Variants in TMEM30A observed in about 807,000 individuals in gnomAD.
TMEM30A encodes cell cycle control protein 50A.
TMEM30A carries 24 observed loss-of-function variants against 38.2 expected under a neutral mutation model. The observed-to-expected ratio is 0.63, with a 90% CI of 0.46 to 0.88. TMEM30A has a LOEUF of 0.88. Ranked by LOEUF, TMEM30A falls within the 40% of genes least tolerant of loss-of-function variation. The pLI, the probability that TMEM30A is intolerant of heterozygous loss-of-function variation, is 0.00. For missense variants in TMEM30A, 370 were observed against 458.6 expected (o/e 0.81, Z 1.77); for synonymous variants, 145 against 161.6 (o/e 0.90, Z 0.78).
chr6:75,282,702 T>C (rs989473440), intron 1 of TMEM30A, among the ~76,000 whole-genome samples: 1 of 152,198 alleles, frequency 6.6e-6, no homozygotes, highest in Non-Finnish European at 1.5e-5. Flanking sequence ...ACCTCTCTAT[T>C]TCTCTTCTCC....
rs754030844 is a variant in TMEM30A, at chr6:75,265,348, CAG to C, written c.346-12_346-11del. The C allele has an allele frequency of 2.6e-5, 39 of 1,524,288 alleles. No homozygotes were observed. The highest frequency in any genetic ancestry group is 3.3e-5 in the Non-Finnish European group (37 of 1,122,246). 94.4% of individuals were successfully genotyped at this position (1,524,288 alleles called of 1,614,324 possible). On this transcript the variant is annotated splice_polypyrimidine_tract_variant and intron_variant, in intron 2 of 6. Transcript: ENST00000230461. ...ACATAAACACGTTGCCCTAGAGAAA[CAG>C]AGAGGGAAAAAATTTTCATATAAAA...
Position 75,255,844 on chromosome 6 carries a change from G to A in TMEM30A, c.*258C>T, listed in dbSNP as rs879167500. Reference sequence around the variant, plus strand: ...GCTCTATGCATCATGTGGCCTGTCCGAATAAAAAGCAAACATTAGAATGCC... The same window carrying A: ...GCTCTATGCATCATGTGGCCTGTCCAAATAAAAAGCAAACATTAGAATGCC... On this transcript the variant is annotated 3_prime_UTR_variant, in exon 7 of 7. Coordinates refer to ENST00000230461, the MANE Select transcript of TMEM30A (RefSeq NM_018247.4). 4 of 323,564 alleles carry A rather than the reference G, an allele frequency of 1.2e-5. No homozygotes were observed. Among genetic ancestry groups the A allele is most frequent in the African/African-American group, 2.1e-5 (1 of 47,130 alleles). The allele number at this position is 323,564 out of a possible 1,614,324, so 20.0% of individuals were successfully genotyped here.
intron 4 of TMEM30A, among the ~76,000 whole-genome samples, chr6:75,260,360 C>T (rs1179285996): frequency 3.3e-5 from 5 of 151,776 alleles, no homozygotes; most frequent in African/African-American, 4.9e-5. Context: ...GAGCCGACGT[C>T]GCGCCACTGC....
intron 1 of TMEM30A, among the ~76,000 whole-genome samples, chr6:75,271,248 T>C (rs1196949325): frequency 1.3e-5 from 2 of 152,192 alleles, no homozygotes; most frequent in Non-Finnish European, 2.9e-5. Flanking sequence ...AGAAATCATA[T>C]TCTTTTTTTA....
At chr6:75,279,363 A>C (rs1353411544) in intron 1 of TMEM30A, among the ~76,000 whole-genome samples, 1 of 152,126 alleles carries the variant, frequency 6.6e-6, no homozygotes, top group Non-Finnish European at 1.5e-5. Context: ...GGGCCTAACA[A>C]TCCTTTATTT....
intron 6 of TMEM30A, 71 bp downstream of exon 6, chr6:75,258,709 T>C: frequency 7.3e-7 from 1 of 1,361,226 alleles, no homozygotes; most frequent in Non-Finnish European, 1.0e-6. Context: ...ACATGCCACA[T>C]AACAGATATA....
chr6:75,268,569 G>A lies in TMEM30A; in HGVS notation c.238-821C>T, dbSNP rs966130780. ...GTGCTGGGAGGGTAATGTGCTCTAA[G>A]TATACAGGGAGAGGGCATAAAAGCT... On this transcript the variant is annotated intron_variant, in intron 1 of 6. Coordinates refer to ENST00000230461, the MANE Select transcript of TMEM30A (RefSeq NM_018247.4). 4.6e-5 allele frequency among the ~76,000 whole-genome samples: 7 copies of A among 152,200 alleles called. No individual in the cohort carries two copies. In the East Asian group the frequency reaches 1.3e-3, roughly 29 times the overall value.
In TMEM30A at chr6:75,280,029, C is replaced by A. The variant is rs995603257; in HGVS notation, c.237+4373G>T. On this transcript the variant is annotated intron_variant, in intron 1 of 6. Transcript: ENST00000230461. ...ATTTATCTGAAGTCTTTTCGAGAGACCTTAATGAAGACAAAAGGTAAGTAA... is the reference window on the plus strand; with the variant it reads ...ATTTATCTGAAGTCTTTTCGAGAGAACTTAATGAAGACAAAAGGTAAGTAA... 2.6e-5 allele frequency among the ~76,000 whole-genome samples: 4 copies of A among 152,252 alleles called. No homozygotes were observed. In the East Asian group the frequency reaches 7.7e-4, roughly 29 times the overall value.
chr6:75,279,035 A>G (rs1340037060), intron 1 of TMEM30A, among the ~76,000 whole-genome samples: 1 of 145,648 alleles, frequency 6.9e-6, no homozygotes, highest in Non-Finnish European at 1.5e-5. Flanking sequence ...TCACCTAGCA[A>G]TGCTTAGTTT....
chr6:75,259,061 A>T (rs1771919208), intron 5 of TMEM30A, 75 bp from the exon 6 acceptor site: 16 of 1,283,022 alleles, frequency 1.2e-5, no homozygotes, highest in Non-Finnish European at 1.6e-5. Context: ...AAACGAATAA[A>T]TTTGGATAAT....
intron 3 of TMEM30A, among the ~76,000 whole-genome samples, chr6:75,264,295 A>T (rs554968253): frequency 6.6e-6 from 1 of 152,308 alleles, no homozygotes; most frequent in South Asian, 2.1e-4. Context: ...AAGAAATCCT[A>T]AATTGCTCTG....
At chr6:75,283,834 C>T (rs1269876774) in intron 1 of TMEM30A, among the ~76,000 whole-genome samples, 1 of 152,180 alleles carries the variant, frequency 6.6e-6, no homozygotes, top group African/African-American at 2.4e-5. Context: ...GCACATTTGT[C>T]ATAAGTCCTC....
rs1771826881 is a variant in TMEM30A at position 75,253,996 on chromosome 6, G to C, written c.*2106C>G. 1 of 152,034 alleles carries C rather than the reference G, an allele frequency of 6.6e-6. No individual in the cohort carries two copies. Among genetic ancestry groups the C allele is most frequent in the African/African-American group, 2.4e-5 (1 of 41,416 alleles). 9.4% of individuals were successfully genotyped at this position (152,034 alleles called of 1,614,324 possible). The stretch of plus-strand genomic sequence containing the variant: ...TTGAGCATAAAGCCTATAAGAAAAA[G>C]AAATGTCTTCCCTCCCCCCATGCTT... On this transcript the variant is annotated 3_prime_UTR_variant, in exon 7 of 7. Coordinates refer to ENST00000230461, the MANE Select transcript of TMEM30A (RefSeq NM_018247.4).
At chr6:75,276,600 G>A (rs1221432792) in intron 1 of TMEM30A, among the ~76,000 whole-genome samples, 1 of 152,032 alleles carries the variant, frequency 6.6e-6, no homozygotes. Flanking sequence ...TGCGAGACTA[G>A]GAAATATGCT....
intron 3 of TMEM30A, among the ~76,000 whole-genome samples, chr6:75,261,320 A>G (rs1771960210): frequency 6.6e-6 from 1 of 152,210 alleles, no homozygotes; most frequent in African/African-American, 2.4e-5. Flanking sequence ...TCCTTGGGCA[A>G]TTCCTTTAAT....
intron 1 of TMEM30A, among the ~76,000 whole-genome samples, chr6:75,276,354 G>T (rs1183605663): frequency 6.6e-6 from 1 of 152,204 alleles, no homozygotes; most frequent in Non-Finnish European, 1.5e-5. Context: ...ATAGCAATTT[G>T]GCCAGAAGTA....
intron 3 of TMEM30A, among the ~76,000 whole-genome samples, chr6:75,261,837 A>G (rs1771969548): frequency 6.6e-6 from 1 of 152,140 alleles, no homozygotes; most frequent in South Asian, 2.1e-4. Flanking sequence ...AGTCTGTGGT[A>G]GGTATCTCAT....
intron 3 of TMEM30A, among the ~76,000 whole-genome samples, chr6:75,262,367 G>T (rs575456666): frequency 6.6e-6 from 1 of 151,596 alleles, no homozygotes; most frequent in African/African-American, 2.4e-5. Flanking sequence ...AAAACAAGCC[G>T]GGCACAGTGG....
intron 1 of TMEM30A, among the ~76,000 whole-genome samples, chr6:75,274,988 G>C (rs543389284): frequency 6.8e-6 from 1 of 146,384 alleles, no homozygotes; most frequent in African/African-American, 2.5e-5. Context: ...TCCAGCCTGG[G>C]TGACAGATCG....
Sources: gnomAD v4.1 joint callset for allele counts (sites outside exome capture counted in the v4.1 genomes callset) on GRCh38, gnomAD v4.1.1 for gene constraint, MANE v1.5 for transcripts, NCBI Gene and HGNC (gene_info 2026-07-23, HGNC 2026-07-21) for gene names.